Variants in LRP1B observed in about 807,000 individuals in gnomAD.
LRP1B encodes the protein LDL receptor related protein 1B, also known as low-density lipoprotein receptor-related protein 1B.
LRP1B carries 217 observed loss-of-function variants against 556.6 expected under a neutral mutation model. The observed-to-expected ratio is 0.39, with a 90% CI of 0.35 to 0.44. The LOEUF (loss-of-function observed/expected upper bound fraction) is 0.44. Among genes scored for constraint, LRP1B ranks in the 20% least tolerant of loss-of-function variants. The probability of loss-of-function intolerance (pLI) is 1.00; values close to 1 mark genes in which losing one functional copy is unlikely to be tolerated. For missense variants in LRP1B, 5,053 were observed against 5,620.8 expected, an observed-to-expected ratio of 0.90 and a Z score of 3.23; for synonymous variants, 2,047 against 1,865.8, an observed-to-expected ratio of 1.10 and a Z score of -2.50.
At chr2:140,627,230 T>C (rs1363457058) in intron 41 of LRP1B, among the ~76,000 whole-genome samples, 2 of 152,162 alleles carry the variant, frequency 1.3e-5, no homozygotes, top group Non-Finnish European at 2.9e-5. Flanking sequence ...GATTGAAGGA[T>C]GCAAGTTATT....
intron 2 of LRP1B, among the ~76,000 whole-genome samples, chr2:141,775,999 C>T (rs924043508): frequency 8.9e-5 from 13 of 146,810 alleles, no homozygotes; most frequent in African/African-American, 2.1e-4. Context: ...CCCGTCATCA[C>T]GCCAGGTTAA....
intron 27 of LRP1B, among the ~76,000 whole-genome samples, chr2:140,856,414 A>G (rs912092371): frequency 6.6e-6 from 1 of 152,118 alleles, no homozygotes; most frequent in Non-Finnish European, 1.5e-5. Flanking sequence ...TTGCTGTCCT[A>G]TTTTCTAATT....
intron 20 of LRP1B, among the ~76,000 whole-genome samples, chr2:140,924,344 T>C (rs1255778325): frequency 1.3e-5 from 2 of 152,012 alleles, no homozygotes; most frequent in African/African-American, 4.8e-5. Context: ...TAGATATCTA[T>C]AAAGGATTAA....
chr2:141,641,686 C>G (rs1300992336), intron 2 of LRP1B, among the ~76,000 whole-genome samples: 9 of 152,094 alleles, frequency 5.9e-5, no homozygotes, highest in African/African-American at 2.2e-4. Context: ...GTACATGCTA[C>G]AGCCTCTAAT....
intron 84 of LRP1B, among the ~76,000 whole-genome samples, chr2:140,296,080 T>C (rs1683590775): frequency 6.6e-6 from 1 of 152,170 alleles, no homozygotes; most frequent in South Asian, 2.1e-4. Context: ...AAGACTATAG[T>C]ACAGATTGAG....
rs141619752 is a variant in LRP1B at position 141,961,075 on chromosome 2, G to A, written c.83-150674C>T. ...ATTCTTAATTTAGTTACTTCATGAT[G>A]TATAGCAAAATGCAGCATTTGAAGT... On this transcript the variant is annotated intron_variant, in intron 1 of 90. Transcript: ENST00000389484. 1.1e-3 allele frequency among the ~76,000 whole-genome samples: 174 copies of A among 151,732 alleles called. 1 individual carries two copies. Among genetic ancestry groups the A allele is most frequent in the African/African-American group, 3.9e-3 (163 of 41,494 alleles).
At chr2:141,022,678 A>C (rs1458211646) in intron 11 of LRP1B, among the ~76,000 whole-genome samples, 1 of 151,976 alleles carries the variant, frequency 6.6e-6, no homozygotes, top group Non-Finnish European at 1.5e-5. Context: ...GGACACATGA[A>C]GGTTGTGGCA....
chr2:141,267,365 T>C (rs983019650), intron 3 of LRP1B, among the ~76,000 whole-genome samples: 15 of 152,144 alleles, frequency 9.9e-5, no homozygotes, highest in Middle Eastern at 3.2e-3. Flanking sequence ...TTTATATGAA[T>C]ATTAAAAAAT....
chr2:141,311,576 G>GTCA (rs1558997096), intron 3 of LRP1B, among the ~76,000 whole-genome samples: 2 of 152,032 alleles, frequency 1.3e-5, no homozygotes, highest in Non-Finnish European at 2.9e-5. Flanking sequence ...CAGTAGGTGG[G>GTCA]GTATTTGAGA....
At chr2:141,181,109 G>A (rs940241690) in intron 7 of LRP1B, among the ~76,000 whole-genome samples, 3 of 151,936 alleles carry the variant, frequency 2.0e-5, no homozygotes, top group Non-Finnish European at 4.4e-5. Context: ...AGGTGGGCAT[G>A]TACTCCAGTT....
chr2:140,443,937 C>A (rs141514718), intron 65 of LRP1B, among the ~76,000 whole-genome samples: 6,427 of 152,216 alleles, frequency 0.042, 236 homozygotes, highest in Non-Finnish European at 0.055. Context: ...AGAAAACACT[C>A]TCTAATTAAA....
intron 2 of LRP1B, among the ~76,000 whole-genome samples, chr2:141,707,782 G>A (rs934418210): frequency 6.6e-6 from 1 of 152,160 alleles, no homozygotes. Context: ...CAATAAAAGA[G>A]GCAGGTGTAA....
At chr2:141,078,199 T>C (rs1349693197) in intron 7 of LRP1B, among the ~76,000 whole-genome samples, 2 of 152,164 alleles carry the variant, frequency 1.3e-5, no homozygotes, top group Non-Finnish European at 2.9e-5. Context: ...AAATAAATTG[T>C]ATTATCTGTC....
intron 3 of LRP1B, among the ~76,000 whole-genome samples, chr2:141,391,211 A>G (rs1690037975): frequency 6.6e-6 from 1 of 152,200 alleles, no homozygotes; most frequent in Non-Finnish European, 1.5e-5. Flanking sequence ...TGTGCTATAA[A>G]TTCTATGATT....
intron 7 of LRP1B, among the ~76,000 whole-genome samples, chr2:141,175,873 G>T (rs1488329933): frequency 6.6e-6 from 1 of 152,132 alleles, no homozygotes; most frequent in Non-Finnish European, 1.5e-5. Flanking sequence ...GGGCAGAGCT[G>T]CCCAAGGCTG....
chr2:140,708,035 A>G (rs1362445979), intron 37 of LRP1B, among the ~76,000 whole-genome samples: 2 of 152,096 alleles, frequency 1.3e-5, no homozygotes, highest in Non-Finnish European at 2.9e-5. Flanking sequence ...ATTATGTGCT[A>G]GGAGCTGATG....
chr2:141,382,413 A>G (rs952502106), intron 3 of LRP1B, among the ~76,000 whole-genome samples: 1 of 152,232 alleles, frequency 6.6e-6, no homozygotes, highest in African/African-American at 2.4e-5. Flanking sequence ...CTGCCTGTGC[A>G]GAGACTTACT....
chr2:140,975,750 C>T (rs1331398693), intron 18 of LRP1B, among the ~76,000 whole-genome samples: 4 of 152,136 alleles, frequency 2.6e-5, no homozygotes, highest in African/African-American at 9.7e-5. Flanking sequence ...TGGTTACACA[C>T]ATATGCAGGT....
At position 141,645,469 on chromosome 2, in the gene LRP1B, C is replaced by CTT. The variant is rs750147915; in HGVS notation, c.205+164808_205+164809dup. Among the ~76,000 whole-genome samples, 461 of 48,304 alleles carry CTT rather than the reference C, an allele frequency of 9.5e-3. 3 individuals are homozygous for CTT. Among genetic ancestry groups the CTT allele is most frequent in the African/African-American group, 0.02 (215 of 10,706 alleles). 31.7% of individuals were successfully genotyped at this position (48,304 alleles called of 152,430 possible). On this transcript the variant is annotated intron_variant, in intron 2 of 90. Coordinates refer to ENST00000389484, the MANE Select transcript of LRP1B (RefSeq NM_018557.3). ...TTGGCACTCTCCAAAGAAGACAAGGCTTTTTTTTTTTTTTTTTTTTTTTGG... is the reference window on the plus strand; with the variant it reads ...TTGGCACTCTCCAAAGAAGACAAGGCTTTTTTTTTTTTTTTTTTTTTTTTTGG...
Sources: allele counts gnomAD v4.1 joint callset (sites outside exome capture counted in the v4.1 genomes callset), GRCh38; gene constraint gnomAD v4.1.1; transcripts MANE v1.5; gene names NCBI Gene and HGNC (gene_info 2026-07-23, HGNC 2026-07-21).